Variants in QPCT observed in about 807,000 individuals in gnomAD.
QPCT encodes the protein glutaminyl-peptide cyclotransferase.
A neutral mutation model predicts 43.4 loss-of-function variants in QPCT; 44 were observed. The observed-to-expected ratio is 1.01, with a 90% CI of 0.80 to 1.30. The LOEUF (loss-of-function observed/expected upper bound fraction) is 1.30. QPCT is among the 50% of genes most tolerant of loss of function. The probability of loss-of-function intolerance (pLI) is 0.00; values close to 1 mark genes in which losing one functional copy is unlikely to be tolerated. For missense variants in QPCT, 526 were observed against 436.5 expected (o/e 1.21, Z -1.83); for synonymous variants, 168 against 168.4 (o/e 1.00, Z 0.02).
At chr2:37,353,415 A>T (rs999203755) in intron 2 of QPCT, among the ~76,000 whole-genome samples, 1 of 152,036 alleles carries the variant, frequency 6.6e-6, no homozygotes, top group Non-Finnish European at 1.5e-5. Context: ...CAAACTTCTG[A>T]CTCTGACACA....
chr2:37,358,522 G>A (rs1038629246), intron 2 of QPCT, among the ~76,000 whole-genome samples: 11 of 152,036 alleles, frequency 7.2e-5, no homozygotes, highest in Middle Eastern at 3.2e-3. Flanking sequence ...AATAGGGATG[G>A]GAAAAGGCAA....
intron 2 of QPCT, 128 bp downstream of exon 2, chr2:37,353,063 C>G: frequency 8.8e-7 from 1 of 1,131,798 alleles, no homozygotes; most frequent in East Asian, 2.6e-5. Flanking sequence ...ACCAAATAGT[C>G]AACCAAGAAA....
At chr2:37,360,084 A>G (rs1283073615) in intron 3 of QPCT, 1 of 543,232 alleles carries the variant, frequency 1.8e-6, no homozygotes, top group South Asian at 2.4e-5. Context: ...CTGATTTATC[A>G]GCCTTGAATG....
chr2:37,360,503 G>A (rs928643734), intron 3 of QPCT, among the ~76,000 whole-genome samples: 7 of 152,026 alleles, frequency 4.6e-5, no homozygotes, highest in African/African-American at 1.7e-4. Context: ...ACTAGATGAA[G>A]ATATTTTGTT....
intron 4 of QPCT, among the ~76,000 whole-genome samples, chr2:37,368,918 C>T (rs1445250280): frequency 6.6e-6 from 1 of 152,076 alleles, no homozygotes; most frequent in African/African-American, 2.4e-5. Flanking sequence ...CCTATTTTTT[C>T]CTATGATGAA....
At chr2:37,365,288 C>T (rs746642522) in intron 3 of QPCT, among the ~76,000 whole-genome samples, 1 of 152,054 alleles carries the variant, frequency 6.6e-6, no homozygotes, top group Non-Finnish European at 1.5e-5. Context: ...ATCTTAGGAA[C>T]CAAATGAAGC....
chr2:37,365,433 G>A (rs1032805237), intron 3 of QPCT, among the ~76,000 whole-genome samples: 2 of 152,174 alleles, frequency 1.3e-5, no homozygotes, highest in African/African-American at 4.8e-5. Flanking sequence ...TTCAGTACAC[G>A]GTGGAGATAA....
intron 1 of QPCT, among the ~76,000 whole-genome samples, chr2:37,349,356 A>AT (rs1489270419): frequency 2.6e-5 from 4 of 152,284 alleles, no homozygotes; most frequent in Admixed American, 6.5e-5. Context: ...TCCATTAAGC[A>AT]TTTTTTGGTG....
chr2:37,360,915 A>G (rs1209301338), intron 3 of QPCT, among the ~76,000 whole-genome samples: 2 of 152,232 alleles, frequency 1.3e-5, no homozygotes, highest in African/African-American at 4.8e-5. Flanking sequence ...CTTCTAGTAT[A>G]AGGACACAAA....
intron 3 of QPCT, among the ~76,000 whole-genome samples, chr2:37,362,415 A>G (rs2124939202): frequency 6.6e-6 from 1 of 152,374 alleles, no homozygotes; most frequent in Admixed American, 6.5e-5. Flanking sequence ...TTTATATTGC[A>G]CAAACACATC....
In QPCT at chr2:37,344,793, C is replaced by A. The variant is rs754614682; in HGVS notation, c.62C>A (p.Ala21Asp). 14 of 1,609,698 alleles carry A rather than the reference C, an allele frequency of 8.7e-6. No individual in the cohort carries two copies. Among genetic ancestry groups the A allele is most frequent in the East Asian group, 4.5e-5 (2 of 44,652 alleles). Residue 21 changes from alanine to aspartate, a missense_variant, in exon 1 of 7, where the codon GCC (alanine) becomes GAC (aspartate). Physicochemically the swap from Ala to Asp is moderately radical, Grantham distance 126 (BLOSUM62 -2). Transcript: ENST00000338415. Reference protein sequence around the residue: ...GTLHLLLLVAALPWASRGVSP... With the variant: ...GTLHLLLLVADLPWASRGVSP... ...CTCCACCTGCTGCTGCTGGTGGCCG[C>A]CCTGCCCTGGGCATCCAGGGGGGTC...
rs950474258 is a variant in QPCT, at chr2:37,373,063, A to G, written c.*236A>G. On this transcript the variant is annotated 3_prime_UTR_variant, in exon 7 of 7. Coordinates refer to ENST00000338415, the MANE Select transcript of QPCT (RefSeq NM_012413.4). ...ATTGAAAAAGAGGGACCGTGTAAAG[A>G]AAATGGAAAATAAATATCTTTCAAA... 25 of 330,928 alleles carry G rather than the reference A, an allele frequency of 7.6e-5. No individual in the cohort carries two copies. The Admixed American group carries it at 9.1e-4, about 12-fold the overall frequency. The allele number at this position is 330,928 out of a possible 1,614,324, so 20.5% of individuals were successfully genotyped here.
chr2:37,360,206 C>T (rs548766126), intron 3 of QPCT, among the ~76,000 whole-genome samples: 3 of 152,194 alleles, frequency 2.0e-5, no homozygotes, highest in Non-Finnish European at 4.4e-5. Context: ...CTTCTTCTTT[C>T]TATGGCCATG....
At chr2:37,370,371 A>G (rs1160166664) in intron 5 of QPCT, among the ~76,000 whole-genome samples, 2 of 152,272 alleles carry the variant, frequency 1.3e-5, no homozygotes, top group South Asian at 2.1e-4. Context: ...ATGTTTGCAC[A>G]TCCTTAAAAA....
At chr2:37,349,987 G>C (rs1050495431) in intron 1 of QPCT, among the ~76,000 whole-genome samples, 2 of 152,166 alleles carry the variant, frequency 1.3e-5, no homozygotes, top group African/African-American at 4.8e-5. Context: ...GTGTGGGAGA[G>C]AGAGGTAAAC....
At chr2:37,353,361 A>G (rs1229878999) in intron 2 of QPCT, among the ~76,000 whole-genome samples, 1 of 152,212 alleles carries the variant, frequency 6.6e-6, no homozygotes, top group Admixed American at 6.5e-5. Context: ...GGGAGAGTTA[A>G]GGCTGGTGAT....
intron 3 of QPCT, among the ~76,000 whole-genome samples, chr2:37,364,663 T>A (rs1672919898): frequency 6.6e-6 from 1 of 152,186 alleles, no homozygotes; most frequent in South Asian, 2.1e-4. Context: ...TGGTTTTTGG[T>A]CTGAGTAACT....
intron 2 of QPCT, among the ~76,000 whole-genome samples, chr2:37,358,422 G>C (rs192586904): frequency 7.0e-6 from 1 of 141,954 alleles, no homozygotes; most frequent in Admixed American, 6.8e-5. Flanking sequence ...GGGTGACTGA[G>C]TGAAGCCCTG....
chr2:37,347,106 G>C (rs1450456232), intron 1 of QPCT, among the ~76,000 whole-genome samples: 1 of 133,318 alleles, frequency 7.5e-6, no homozygotes, highest in Non-Finnish European at 1.5e-5. Flanking sequence ...GCACACACCT[G>C]TGTATTTAGA....
Sources: gnomAD v4.1 joint callset for allele counts (sites outside exome capture counted in the v4.1 genomes callset) on GRCh38, gnomAD v4.1.1 for gene constraint, MANE v1.5 for transcripts, NCBI Gene and HGNC (gene_info 2026-07-23, HGNC 2026-07-21) for gene names.